Variants in SPMIP7 observed in about 807,000 individuals in gnomAD.
SPMIP7 encodes sperm microtubule inner protein 7.
At chr7:50,136,109 G>A in the SPMIP7 span, 13 of 1,550,782 alleles carry the variant, frequency 8.4e-6, no homozygotes, top group East Asian at 2.9e-4. Context: ...TGGTTGGTGA[G>A]CTCTGGGACA....
At chr7:50,149,158 T>G in the SPMIP7 span, among the ~76,000 whole-genome samples, 4 of 146,892 alleles carry the variant, frequency 2.7e-5, no homozygotes, top group Non-Finnish European at 6.0e-5. Flanking sequence ...AAAAAAAAAA[T>G]GTGGGAGTGG....
At chr7:50,128,658 A>G in the SPMIP7 span, among the ~76,000 whole-genome samples, 24 of 152,144 alleles carry the variant, frequency 1.6e-4, no homozygotes, top group Middle Eastern at 3.4e-3. Context: ...TAGAAGGTAC[A>G]TGCGGAAGTT....
At chr7:50,124,271 T>C in the SPMIP7 span, among the ~76,000 whole-genome samples, 2 of 152,008 alleles carry the variant, frequency 1.3e-5, no homozygotes, top group East Asian at 3.9e-4. Flanking sequence ...AAAGGAGAGA[T>C]ACACAATTCC....
chr7:50,103,280 A>C, the SPMIP7 span, among the ~76,000 whole-genome samples: 3 of 152,244 alleles, frequency 2.0e-5, no homozygotes, highest in Middle Eastern at 3.4e-3. Context: ...AAAGCTATGA[A>C]GTAGGGGACC....
At chr7:50,104,000 C>G in the SPMIP7 span, among the ~76,000 whole-genome samples, 1 of 152,150 alleles carries the variant, frequency 6.6e-6, no homozygotes, top group Non-Finnish European at 1.5e-5. Context: ...TGCATAATAA[C>G]CAGACCCCTC....
the SPMIP7 span, among the ~76,000 whole-genome samples, chr7:50,134,928 T>C: frequency 1.3e-5 from 2 of 152,168 alleles, no homozygotes; most frequent in Non-Finnish European, 2.9e-5. Context: ...GACCCAATTC[T>C]CCATTATTTG....
the SPMIP7 span, among the ~76,000 whole-genome samples, chr7:50,127,412 C>A: frequency 2.0e-5 from 3 of 151,158 alleles, no homozygotes; most frequent in African/African-American, 7.3e-5. Context: ...AAAAATGGGA[C>A]TACATCAAGC....
the SPMIP7 span, among the ~76,000 whole-genome samples, chr7:50,138,319 G>A: frequency 6.6e-6 from 1 of 152,166 alleles, no homozygotes; most frequent in Non-Finnish European, 1.5e-5. Context: ...ATGAGCATTT[G>A]CAAAAATGAA....
chr7:50,100,540 C>T, the SPMIP7 span, among the ~76,000 whole-genome samples: 12 of 152,100 alleles, frequency 7.9e-5, no homozygotes, highest in Non-Finnish European at 1.2e-4. Flanking sequence ...CAGTCAGGCA[C>T]GGTGGCTCAC....
At chr7:50,139,601 TAA>T in the SPMIP7 span, among the ~76,000 whole-genome samples, 1 of 152,200 alleles carries the variant, frequency 6.6e-6, no homozygotes, top group Non-Finnish European at 1.5e-5. Flanking sequence ...TTGTTGATTA[TAA>T]GTCAGCTGGC....
chr7:50,155,599 T>A, the SPMIP7 span, among the ~76,000 whole-genome samples: 5 of 152,168 alleles, frequency 3.3e-5, no homozygotes, highest in African/African-American at 1.2e-4. Context: ...CTCTAACATA[T>A]CTACACAACA....
the SPMIP7 span, among the ~76,000 whole-genome samples, chr7:50,099,945 C>A: frequency 1.3e-5 from 2 of 152,126 alleles, no homozygotes; most frequent in Non-Finnish European, 2.9e-5. Context: ...AATCATAGTT[C>A]TTTAGGCAAC....
chr7:50,134,352 G>A, the SPMIP7 span: 2 of 979,026 alleles, frequency 2.0e-6, no homozygotes, highest in Non-Finnish European at 1.4e-6. Context: ...AATACCTAAG[G>A]AAGTAAATTT....
the SPMIP7 span, chr7:50,104,166 C>T: frequency 4.9e-6 from 2 of 408,506 alleles, no homozygotes; most frequent in Non-Finnish European, 9.2e-6. Context: ...GTTCTCACAG[C>T]TAAAAGATCC....
the SPMIP7 span, among the ~76,000 whole-genome samples, chr7:50,108,301 A>G: frequency 2.6e-5 from 4 of 152,220 alleles, no homozygotes; most frequent in African/African-American, 9.6e-5. Context: ...AAGTGAAGAC[A>G]GACAGCAAGG....
At chr7:50,113,971 T>G in the SPMIP7 span, among the ~76,000 whole-genome samples, 2 of 152,282 alleles carry the variant, frequency 1.3e-5, no homozygotes, top group Non-Finnish European at 1.5e-5. Flanking sequence ...ACTTCTGGCT[T>G]TTTGTCAGTT....
chr7:50,143,159 ATT>A, the SPMIP7 span, among the ~76,000 whole-genome samples: 2,270 of 113,560 alleles, frequency 0.02, 37 homozygotes, highest in South Asian at 0.085. Flanking sequence ...AGTGAAAGCC[ATT>A]TTTTTTTTTT....
chr7:50,125,271 TATAC>T, the SPMIP7 span, among the ~76,000 whole-genome samples: 1 of 131,470 alleles, frequency 7.6e-6, no homozygotes, highest in African/African-American at 2.9e-5. Flanking sequence ...CACACATATA[TATAC>T]ACATATATAC....
the SPMIP7 span, among the ~76,000 whole-genome samples, chr7:50,137,234 G>A: frequency 2.0e-5 from 3 of 151,840 alleles, no homozygotes; most frequent in African/African-American, 7.3e-5. Flanking sequence ...AACATTAATA[G>A]AACACAAAGT....
Sources: gnomAD v4.1 joint callset for allele counts (sites outside exome capture counted in the v4.1 genomes callset) on GRCh38, gnomAD v4.1.1 for gene constraint, MANE v1.5 for transcripts, NCBI Gene and HGNC (gene_info 2026-07-23, HGNC 2026-07-21) for gene names.